Variants in TENM2 observed in about 807,000 individuals in gnomAD.
The protein encoded by TENM2 is teneurin transmembrane protein 2, also known as teneurin-2.
Under a neutral mutation model 245.2 loss-of-function variants are expected in TENM2, and 52 were observed. That is an observed-to-expected ratio of 0.21 (90% CI 0.17 to 0.27). The LOEUF (loss-of-function observed/expected upper bound fraction) is 0.27. TENM2 is among the 10% of genes least tolerant of loss of function. The pLI, the probability that TENM2 is intolerant of heterozygous loss-of-function variation, is 1.00. For missense variants in TENM2, 3,046 were observed against 3,666.8 expected, an observed-to-expected ratio of 0.83 and a Z score of 4.37; for synonymous variants, 1,363 against 1,438.9, an observed-to-expected ratio of 0.95 and a Z score of 1.19.
At chr5:167,527,818 G>A (rs1771222852) in intron 2 of TENM2, among the ~76,000 whole-genome samples, 1 of 152,092 alleles carries the variant, frequency 6.6e-6, no homozygotes, top group African/African-American at 2.4e-5. Context: ...GAGTTAGGGG[G>A]TTCTTGTCCT....
chr5:168,102,933 T>G (rs3101756), intron 9 of TENM2, among the ~76,000 whole-genome samples: 116,262 of 152,032 alleles, frequency 0.76, 44,804 homozygotes, highest in East Asian at 1. Flanking sequence ...ACAACGTGCA[T>G]GTTTGTTACA....
rs1483602003 is a variant in TENM2, at chr5:167,557,052, AAGAGTTTTCTAATCATTTTGAG to A, written c.502+181603_502+181624del. 2.6e-5 allele frequency among the ~76,000 whole-genome samples: 4 copies of A among 152,172 alleles called. No homozygotes were observed. The South Asian group carries it at 6.2e-4, about 24-fold the overall frequency. On this transcript the variant is annotated intron_variant, in intron 2 of 28. Coordinates refer to ENST00000518659, the Ensembl canonical transcript of TENM2. ...AATCTTTATTGGCTTTGGGAAATTT[AAGAGTTTTCTAATCATTTTGAG>A]AGAGTTTTCTAATCATTTTGAGAAA...
intron 19 of TENM2, among the ~76,000 whole-genome samples, chr5:168,211,033 T>G (rs1048702889): frequency 6.6e-6 from 1 of 152,220 alleles, no homozygotes; most frequent in Non-Finnish European, 1.5e-5. Context: ...ACCTATAAAT[T>G]TCATTTATGG....
intron 1 of TENM2, among the ~76,000 whole-genome samples, chr5:167,308,459 G>T (rs1202411716): frequency 6.6e-6 from 1 of 152,140 alleles, no homozygotes; most frequent in East Asian, 1.9e-4. Flanking sequence ...AAATTACTTT[G>T]TAACTCCTCA....
chr5:167,226,389 T>C, the TENM2 span, among the ~76,000 whole-genome samples: 5 of 152,162 alleles, frequency 3.3e-5, no homozygotes, highest in Non-Finnish European at 4.4e-5. Flanking sequence ...TTCCTCTTAA[T>C]TTTTTCATTG....
intron 3 of TENM2, among the ~76,000 whole-genome samples, chr5:167,883,383 T>C (rs1275484102): frequency 6.6e-6 from 1 of 152,246 alleles, no homozygotes; most frequent in Non-Finnish European, 1.5e-5. Context: ...TGTGCACGTG[T>C]GTGCACACGC....
At chr5:166,981,449 T>G in the TENM2 span, among the ~76,000 whole-genome samples, 3 of 152,142 alleles carry the variant, frequency 2.0e-5, no homozygotes, top group African/African-American at 4.8e-5. Context: ...TATAGTAAAC[T>G]TCAATCCTAA....
chr5:167,188,098 C>A, the TENM2 span, among the ~76,000 whole-genome samples: 1 of 152,100 alleles, frequency 6.6e-6, no homozygotes, highest in African/African-American at 2.4e-5. Context: ...TTATTCATCC[C>A]AGCTCTAAGA....
Position 168,154,147 on chromosome 5 carries a change from T to TAAAAAAAAAAAAAAAA in TENM2, c.2423-8460_2423-8445dup, listed in dbSNP as rs70976465. Among the ~76,000 whole-genome samples the TAAAAAAAAAAAAAAAA allele has an allele frequency of 2.6e-3, 219 of 84,946 alleles. 17 individuals are homozygous for TAAAAAAAAAAAAAAAA. Among genetic ancestry groups the TAAAAAAAAAAAAAAAA allele is most frequent in the South Asian group, 4.4e-3 (11 of 2,514 alleles). 55.7% of individuals were successfully genotyped at this position (84,946 alleles called of 152,430 possible). A position where few individuals can be genotyped will look rare whatever the true frequency, so the allele number is the denominator to read the frequency against. ...CATTTCCTCACATGATCACCTACTT[T>TAAAAAAAAAAAAAAAA]AAAAAAAAAAAAAAAAAAACAGTAA... On this transcript the variant is annotated intron_variant, in intron 12 of 28. Coordinates refer to ENST00000518659, the Ensembl canonical transcript of TENM2.
At chr5:167,950,709 C>T (rs1045043793) in intron 3 of TENM2, among the ~76,000 whole-genome samples, 1 of 152,108 alleles carries the variant, frequency 6.6e-6, no homozygotes, top group African/African-American at 2.4e-5. Context: ...CATTTCACCC[C>T]CCTTTCCCAC....
chr5:168,157,961 C>T (rs1395440220), intron 12 of TENM2, among the ~76,000 whole-genome samples: 1 of 152,100 alleles, frequency 6.6e-6, no homozygotes, highest in Non-Finnish European at 1.5e-5. Context: ...CTCACTCTGT[C>T]GCCTAGACTA....
At chr5:167,631,793 C>T (rs541828632) in intron 2 of TENM2, among the ~76,000 whole-genome samples, 184 of 152,256 alleles carry the variant, frequency 1.2e-3, no homozygotes, top group Non-Finnish European at 1.9e-3. Context: ...CGACTCCCCA[C>T]CCTCAGGCAA....
chr5:168,216,766 A>G lies in TENM2; in HGVS notation c.4079-2A>G. On this transcript the variant is annotated splice_acceptor_variant, in intron 21 of 28. Coordinates refer to ENST00000518659, the Ensembl canonical transcript of TENM2. LOFTEE classifies it high-confidence loss of function. ...TAAATCCACACCGCTTGTCTTGCTC[A>G]GGTATTGCAGTAGACAAGAATGGGC... 1 of 1,613,812 alleles carries G rather than the reference A, an allele frequency of 6.2e-7. No homozygotes were observed. Among genetic ancestry groups the G allele is most frequent in the Non-Finnish European group, 8.5e-7 (1 of 1,179,742 alleles).
intron 5 of TENM2, among the ~76,000 whole-genome samples, chr5:168,020,742 C>G (rs1786072574): frequency 6.6e-6 from 1 of 152,104 alleles, no homozygotes; most frequent in African/African-American, 2.4e-5. Context: ...GTCTTTGGAC[C>G]CCTTCCAGGC....
At chr5:167,841,497 C>T (rs1298564130) in intron 2 of TENM2, among the ~76,000 whole-genome samples, 1 of 152,178 alleles carries the variant, frequency 6.6e-6, no homozygotes, top group East Asian at 1.9e-4. Flanking sequence ...CAGTATCATT[C>T]TCTCCCAGCT....
At chr5:167,648,028 T>A (rs1780082613) in intron 2 of TENM2, among the ~76,000 whole-genome samples, 1 of 152,230 alleles carries the variant, frequency 6.6e-6, no homozygotes, top group African/African-American at 2.4e-5. Flanking sequence ...CTTGCTACGA[T>A]GTATCCCTAT....
intron 5 of TENM2, among the ~76,000 whole-genome samples, chr5:168,034,047 G>GTATA (rs199519901): frequency 1.0e-4 from 14 of 133,336 alleles, no homozygotes; most frequent in East Asian, 2.2e-4. Flanking sequence ...ATATATGTGT[G>GTATA]TGTATATATA....
intron 2 of TENM2, among the ~76,000 whole-genome samples, chr5:167,669,186 C>T (rs1027001054): frequency 3.3e-5 from 5 of 152,216 alleles, no homozygotes; most frequent in Admixed American, 3.3e-4. Flanking sequence ...GAATGTGCTG[C>T]TTTATACATT....
chr5:167,141,112 C>T, the TENM2 span, among the ~76,000 whole-genome samples: 2 of 152,172 alleles, frequency 1.3e-5, no homozygotes, highest in South Asian at 2.1e-4. Flanking sequence ...CTTGTATCAA[C>T]CAGATTTTAC....
Sources: allele counts gnomAD v4.1 joint callset (sites outside exome capture counted in the v4.1 genomes callset), GRCh38; gene constraint gnomAD v4.1.1; transcripts MANE v1.5; gene names NCBI Gene and HGNC (gene_info 2026-07-23, HGNC 2026-07-21).